Variants in NECAB1 observed in about 807,000 individuals in gnomAD.
NECAB1 encodes N-terminal EF-hand calcium-binding protein 1.
A neutral mutation model predicts 57.5 loss-of-function variants in NECAB1; 29 were observed. That is an observed-to-expected ratio of 0.50 (90% CI 0.38 to 0.69). The LOEUF (loss-of-function observed/expected upper bound fraction) is 0.69. Ranked by LOEUF, NECAB1 falls within the 30% of genes least tolerant of loss-of-function variation. NECAB1 has a pLI of 0.00. For missense variants in NECAB1, 372 were observed against 413.8 expected, an observed-to-expected ratio of 0.90 and a Z score of 0.88; for synonymous variants, 142 against 147.7, an observed-to-expected ratio of 0.96 and a Z score of 0.28.
intron 2 of NECAB1, among the ~76,000 whole-genome samples, chr8:90,819,524 T>C (rs1789328249): frequency 6.6e-6 from 1 of 151,974 alleles, no homozygotes; most frequent in African/African-American, 2.4e-5. Flanking sequence ...TGTGTCTTTT[T>C]GTTTTTTCTG....
intron 5 of NECAB1, among the ~76,000 whole-genome samples, chr8:90,908,618 A>G (rs1417023932): frequency 1.3e-5 from 2 of 152,132 alleles, no homozygotes; most frequent in African/African-American, 4.8e-5. Flanking sequence ...ACTGGTTCCT[A>G]CACATACCTT....
chr8:90,808,388 A>G (rs890493940), intron 2 of NECAB1, among the ~76,000 whole-genome samples: 1 of 152,166 alleles, frequency 6.6e-6, no homozygotes, highest in Non-Finnish European at 1.5e-5. Context: ...TATGTAGCAT[A>G]AGGGTTAAGC....
intron 7 of NECAB1, among the ~76,000 whole-genome samples, chr8:90,926,535 T>G (rs555909330): frequency 6.6e-6 from 1 of 152,314 alleles, no homozygotes; most frequent in African/African-American, 2.4e-5. Flanking sequence ...CTTAAAATCT[T>G]GATGGTTACA....
intron 1 of NECAB1, among the ~76,000 whole-genome samples, chr8:90,801,199 G>A (rs1811751699): frequency 6.6e-6 from 1 of 152,074 alleles, no homozygotes; most frequent in South Asian, 2.1e-4. Flanking sequence ...CCACATTCAA[G>A]ATAATAACTA....
Position 90,949,718 on chromosome 8 carries a change from A to T in NECAB1, c.861-89A>T, listed in dbSNP as rs577427633. On this transcript the variant is annotated intron_variant, in intron 10 of 12. Coordinates refer to ENST00000417640, the MANE Select transcript of NECAB1 (RefSeq NM_022351.5). The stretch of plus-strand genomic sequence containing the variant: ...ATTGTTTCCTCTATTAATGGATAAG[A>T]TTGTTTCATACTACATATGGATATT... 125 of 606,294 alleles carry T rather than the reference A, an allele frequency of 2.1e-4. 1 individual carries two copies. In the South Asian group the frequency reaches 3.4e-3, roughly 16 times the overall value. The allele number at this position is 606,294 out of a possible 1,614,324, so 37.6% of individuals were successfully genotyped here.
At chr8:90,913,199 T>C (rs1382821349) in intron 5 of NECAB1, among the ~76,000 whole-genome samples, 3 of 152,224 alleles carry the variant, frequency 2.0e-5, no homozygotes, top group Non-Finnish European at 4.4e-5. Context: ...CAAAGCACTA[T>C]GCTTCCAATG....
At chr8:90,879,193 CTTT>C (rs769144549) in intron 4 of NECAB1, among the ~76,000 whole-genome samples, 3 of 124,106 alleles carry the variant, frequency 2.4e-5, no homozygotes, top group Admixed American at 8.3e-5. Flanking sequence ...TTTTCACTTT[CTTT>C]TTTTTTTTTT....
At chr8:90,910,229 A>G (rs1260134998) in intron 5 of NECAB1, among the ~76,000 whole-genome samples, 2 of 151,642 alleles carry the variant, frequency 1.3e-5, no homozygotes, top group Non-Finnish European at 2.9e-5. Context: ...AATATCTTCT[A>G]GCTTATTTTT....
chr8:90,938,289 G>T (rs1168002018), intron 9 of NECAB1, among the ~76,000 whole-genome samples: 1 of 152,106 alleles, frequency 6.6e-6, no homozygotes, highest in African/African-American at 2.4e-5. Flanking sequence ...TAAGGTAAAT[G>T]ATAAATGATA....
chr8:90,946,763 A>G (rs768943423), intron 10 of NECAB1, among the ~76,000 whole-genome samples: 7 of 152,158 alleles, frequency 4.6e-5, no homozygotes, highest in Non-Finnish European at 8.8e-5. Context: ...GCTTCCCAGC[A>G]TACTTCCCCT....
At chr8:90,934,104 T>G (rs550558775) in intron 8 of NECAB1, among the ~76,000 whole-genome samples, 200 bp from the exon 9 acceptor site, 1 of 152,172 alleles carries the variant, frequency 6.6e-6, no homozygotes, top group African/African-American at 2.4e-5. Flanking sequence ...CTAAAACAGC[T>G]TCTTACAATT....
chr8:90,863,115 T>G (rs769698270), intron 3 of NECAB1, among the ~76,000 whole-genome samples: 16 of 152,046 alleles, frequency 1.1e-4, no homozygotes, highest in South Asian at 2.1e-4. Context: ...AGAAGAAGAA[T>G]AATAAAAAAA....
chr8:90,878,025 T>G (rs1808759884), intron 4 of NECAB1, among the ~76,000 whole-genome samples: 1 of 152,018 alleles, frequency 6.6e-6, no homozygotes, highest in African/African-American at 2.4e-5. Flanking sequence ...CCAGGCAGAC[T>G]TGGGCATTCT....
chr8:90,845,199 A>G (rs1040805239), intron 3 of NECAB1, among the ~76,000 whole-genome samples: 1 of 152,162 alleles, frequency 6.6e-6, no homozygotes, highest in Non-Finnish European at 1.5e-5. Context: ...CCTTCACTGA[A>G]ACAACCAGAA....
intron 3 of NECAB1, among the ~76,000 whole-genome samples, chr8:90,835,822 T>G (rs1812362839): frequency 6.6e-6 from 1 of 152,204 alleles, no homozygotes; most frequent in African/African-American, 2.4e-5. Context: ...GTTACTTGAC[T>G]GATACAGAAA....
intron 5 of NECAB1, among the ~76,000 whole-genome samples, chr8:90,899,821 A>G (rs982804848): frequency 3.9e-5 from 6 of 152,224 alleles, no homozygotes; most frequent in African/African-American, 1.2e-4. Flanking sequence ...TACCAGCATG[A>G]AGCTAAACAT....
chr8:90,827,171 A>G (rs1586043596), intron 3 of NECAB1, among the ~76,000 whole-genome samples: 2 of 152,008 alleles, frequency 1.3e-5, no homozygotes, highest in African/African-American at 4.8e-5. Flanking sequence ...AATGCACTAT[A>G]TATGCCAATT....
At chr8:90,864,149 G>T (rs73295963) in intron 3 of NECAB1, among the ~76,000 whole-genome samples, 10,305 of 151,966 alleles carry the variant, frequency 0.068, 572 homozygotes, top group African/African-American at 0.16. Context: ...CAATCTGGCA[G>T]GAATTGGAAA....
intron 4 of NECAB1, among the ~76,000 whole-genome samples, chr8:90,872,804 A>G (rs1479664802): frequency 1.3e-5 from 2 of 152,196 alleles, no homozygotes; most frequent in Admixed American, 6.5e-5. Flanking sequence ...GAATACTGGA[A>G]GGTTTAATGT....
Sources: allele counts gnomAD v4.1 joint callset (sites outside exome capture counted in the v4.1 genomes callset), GRCh38; gene constraint gnomAD v4.1.1; transcripts MANE v1.5; gene names NCBI Gene and HGNC (gene_info 2026-07-23, HGNC 2026-07-21).